CHST9: variants seen among roughly 807,000 people sequenced by gnomAD.
The protein encoded by CHST9 is GalNAc-4-sulfotransferase 2.
In CHST9, 41 loss-of-function variants were observed where a neutral mutation model predicts 44.4. The ratio of observed to expected loss-of-function variants is 0.92; its 90% CI spans 0.72 to 1.20. The LOEUF (loss-of-function observed/expected upper bound fraction) is 1.20. CHST9 is among the 50% of genes most tolerant of loss of function. CHST9 has a pLI of 0.00. For synonymous variants in CHST9, 171 were observed against 178.4 expected, an observed-to-expected ratio of 0.96 and a Z score of 0.33; for missense variants, 504 against 516.5, an observed-to-expected ratio of 0.98 and a Z score of 0.23.
chr18:27,062,070 A>G (rs1485840002), intron 2 of CHST9, among the ~76,000 whole-genome samples: 1 of 152,170 alleles, frequency 6.6e-6, no homozygotes, highest in East Asian at 1.9e-4. Context: ...GGGCACACTC[A>G]GTCCTCTCTT....
intron 4 of CHST9, among the ~76,000 whole-genome samples, chr18:26,982,681 C>T (rs75706483): frequency 1.6e-3 from 251 of 152,228 alleles, no homozygotes; most frequent in African/African-American, 5.8e-3. Context: ...TCTTCAACAT[C>T]TCATGCAACA....
intron 2 of CHST9, among the ~76,000 whole-genome samples, chr18:27,099,311 T>C (rs865802157): frequency 2.6e-5 from 4 of 152,196 alleles, no homozygotes; most frequent in African/African-American, 7.2e-5. Context: ...TCAAAAGTAG[T>C]TGCAACAACA....
At chr18:27,055,629 T>A (rs966724613) in intron 2 of CHST9, among the ~76,000 whole-genome samples, 1 of 152,186 alleles carries the variant, frequency 6.6e-6, no homozygotes, top group Non-Finnish European at 1.5e-5. Flanking sequence ...AGTAAAAAAA[T>A]GCCTTTATCA....
At chr18:27,150,605 C>G (rs964484339) in intron 1 of CHST9, among the ~76,000 whole-genome samples, 2 of 152,112 alleles carry the variant, frequency 1.3e-5, no homozygotes, top group African/African-American at 4.8e-5. Flanking sequence ...GATTTTGAGT[C>G]CTGGTTATGT....
chr18:27,164,712 G>A (rs975424324), intron 1 of CHST9, among the ~76,000 whole-genome samples: 1 of 152,178 alleles, frequency 6.6e-6, no homozygotes, highest in South Asian at 2.1e-4. Context: ...TTCTATATAT[G>A]TTGTCAGAGA....
intron 5 of CHST9, among the ~76,000 whole-genome samples, chr18:26,920,897 A>G (rs561541995): frequency 7.2e-5 from 11 of 152,294 alleles, no homozygotes; most frequent in African/African-American, 2.6e-4. Context: ...AAGTCACTCA[A>G]CGCTGTCTCC....
intron 2 of CHST9, among the ~76,000 whole-genome samples, chr18:27,121,142 A>G (rs573099752): frequency 9.5e-4 from 145 of 152,208 alleles, no homozygotes; most frequent in Non-Finnish European, 1.9e-3. Flanking sequence ...AGCTGGGACT[A>G]CAGGCACCAC....
chr18:26,973,357 A>T (rs1366891088), intron 4 of CHST9, among the ~76,000 whole-genome samples: 1 of 152,200 alleles, frequency 6.6e-6, no homozygotes, highest in Non-Finnish European at 1.5e-5. Flanking sequence ...TGCATGAAAA[A>T]AATGAATGAG....
At chr18:27,146,480 G>C (rs1312787140) in intron 1 of CHST9, among the ~76,000 whole-genome samples, 1 of 152,174 alleles carries the variant, frequency 6.6e-6, no homozygotes, top group Non-Finnish European at 1.5e-5. Flanking sequence ...AGCTGTGATG[G>C]GAAAACACAC....
At chr18:27,158,311 G>A (rs1186204506) in intron 1 of CHST9, among the ~76,000 whole-genome samples, 1 of 145,256 alleles carries the variant, frequency 6.9e-6, no homozygotes, top group Non-Finnish European at 1.5e-5. Flanking sequence ...GTGTCCATGT[G>A]TTCTCATTGT....
chr18:27,069,639 A>G (rs571322875), intron 2 of CHST9, among the ~76,000 whole-genome samples: 104 of 152,346 alleles, frequency 6.8e-4, no homozygotes, highest in Non-Finnish European at 1.2e-3. Flanking sequence ...ATACTCTGAA[A>G]TATCTATTGA....
chr18:26,992,505 T>C (rs914109674), intron 4 of CHST9, among the ~76,000 whole-genome samples: 2 of 152,150 alleles, frequency 1.3e-5, no homozygotes, highest in African/African-American at 4.8e-5. Context: ...GTTGACAGAT[T>C]AGAGTGTGAA....
intron 3 of CHST9, among the ~76,000 whole-genome samples, chr18:27,037,779 T>C (rs1353763558): frequency 2.0e-5 from 3 of 151,596 alleles, no homozygotes; most frequent in Non-Finnish European, 4.4e-5. Context: ...CACTAATCAT[T>C]ATACGTTATT....
At chr18:26,930,711 G>A (rs1447858095) in intron 5 of CHST9, 4 of 153,730 alleles carry the variant, frequency 2.6e-5, no homozygotes, top group Non-Finnish European at 5.9e-5. Flanking sequence ...TTGGCCTGAG[G>A]ATGGAAGTCT....
chr18:27,058,789 T>C (rs1032580174), intron 2 of CHST9, among the ~76,000 whole-genome samples: 1 of 152,166 alleles, frequency 6.6e-6, no homozygotes, highest in Non-Finnish European at 1.5e-5. Context: ...TGAGACAAAC[T>C]GCCCTGCCAG....
chr18:26,962,823 A>G (rs556940210), intron 4 of CHST9, among the ~76,000 whole-genome samples: 79 of 152,298 alleles, frequency 5.2e-4, no homozygotes, highest in African/African-American at 1.9e-3. Flanking sequence ...GGTGTCTGGT[A>G]TAAATGGGGA....
At chr18:26,957,500 T>C (rs1286610587) in intron 4 of CHST9, among the ~76,000 whole-genome samples, 1 of 151,868 alleles carries the variant, frequency 6.6e-6, no homozygotes, top group Non-Finnish European at 1.5e-5. Flanking sequence ...TTTTTAGCTG[T>C]CATACTTAGC....
At chr18:27,159,684 A>G (rs77583948) in intron 1 of CHST9, among the ~76,000 whole-genome samples, 48,340 of 152,018 alleles carry the variant, frequency 0.32, 8,323 homozygotes, top group Non-Finnish European at 0.39. Context: ...CATTGAATCT[A>G]TAAATTACCT....
intron 2 of CHST9, among the ~76,000 whole-genome samples, chr18:27,140,046 A>C (rs544791872): frequency 6.6e-6 from 1 of 152,256 alleles, no homozygotes; most frequent in African/African-American, 2.4e-5. Context: ...CACTTCAAAA[A>C]CCTGTAGCTT....
Sources: allele counts gnomAD v4.1 joint callset (sites outside exome capture counted in the v4.1 genomes callset), GRCh38; gene constraint gnomAD v4.1.1; transcripts MANE v1.5; gene names NCBI Gene and HGNC (gene_info 2026-07-23, HGNC 2026-07-21).